The following PCDHA11 variants were observed in gnomAD, a reference collection of about 807,000 sequenced individuals.
The protein encoded by PCDHA11 is protocadherin alpha-11.
A neutral mutation model predicts 70.3 loss-of-function variants in PCDHA11; 61 were observed. That is an observed-to-expected ratio of 0.87 (90% CI 0.71 to 1.07). PCDHA11 has a LOEUF of 1.07. Among genes scored for constraint, PCDHA11 ranks in the 50% least tolerant of loss-of-function variants. The pLI, the probability that PCDHA11 is intolerant of heterozygous loss-of-function variation, is 0.00. For missense variants in PCDHA11, 1,324 were observed against 1,237.5 expected, an observed-to-expected ratio of 1.07 and a Z score of -1.05; for synonymous variants, 633 against 555.1, an observed-to-expected ratio of 1.14 and a Z score of -1.97.
intron 1 of PCDHA11, chr5:140,929,369 G>A: frequency 6.6e-7 from 1 of 1,515,248 alleles, no homozygotes; most frequent in Admixed American, 2.2e-5. Context: ...CCCGGAGATG[G>A]CTGCTAGCTG....
intron 3 of PCDHA11, 167 bp from the exon 4 acceptor site, chr5:141,009,456 CAAAT>C (rs2098408902): frequency 8.4e-6 from 8 of 947,642 alleles, no homozygotes; most frequent in African/African-American, 3.5e-5. Context: ...AAAAATTAAA[CAAAT>C]AAATAAATAA....
intron 1 of PCDHA11, among the ~76,000 whole-genome samples, chr5:140,957,571 G>A (rs2095367794): frequency 6.6e-6 from 1 of 152,068 alleles, no homozygotes; most frequent in African/African-American, 2.4e-5. Flanking sequence ...AGGGACTACT[G>A]TACTTTTAAC....
At chr5:140,873,007 C>A (rs1363151505) in intron 1 of PCDHA11, among the ~76,000 whole-genome samples, 1 of 152,206 alleles carries the variant, frequency 6.6e-6, no homozygotes, top group Admixed American at 6.5e-5. Context: ...AGTCATTCTT[C>A]ATATTTAGTT....
In PCDHA11 at chr5:140,871,342, T is replaced by C; in HGVS notation, c.2239T>C (p.Trp747Arg). Reference protein sequence around the residue: ...TLVCSRAVGSWSYSQQRRQRV... With the variant: ...TLVCSRAVGSRSYSQQRRQRV... ...GGTGTGCTCCCGCGCGGTGGGGAGC[T>C]GGTCATACTCGCAGCAGAGGCGGCA... is the stretch of plus-strand genomic sequence containing the variant. Residue 747 changes from tryptophan to arginine, a missense_variant, in exon 1 of 4, where the codon TGG becomes CGG. Transcript: ENST00000398640. 1 of 1,614,120 alleles carries C rather than the reference T, an allele frequency of 6.2e-7. No individual in the cohort carries two copies. Among genetic ancestry groups the C allele is most frequent in the Non-Finnish European group, 8.5e-7 (1 of 1,180,022 alleles).
At chr5:140,893,456 C>G (rs781790396) in intron 1 of PCDHA11, among the ~76,000 whole-genome samples, 44 of 151,918 alleles carry the variant, frequency 2.9e-4, no homozygotes, top group Non-Finnish European at 2.6e-4. Flanking sequence ...AGTTCAAGAC[C>G]AGCCTGGGCA....
chr5:140,941,202 C>CCTTCCTTT (rs1554213920), intron 1 of PCDHA11, among the ~76,000 whole-genome samples: 107 of 122,824 alleles, frequency 8.7e-4, no homozygotes, highest in Admixed American at 4.2e-3. Flanking sequence ...TTTCTTTCTT[C>CCTTCCTTT]CTTTCTTTCT....
intron 1 of PCDHA11, chr5:140,927,019 T>C: frequency 6.2e-7 from 1 of 1,612,660 alleles, no homozygotes; most frequent in Non-Finnish European, 8.5e-7. Flanking sequence ...CTCCGCGGAC[T>C]TGAGGCTGCC....
chr5:140,877,220 G>C (rs560974692), intron 1 of PCDHA11: 2 of 1,613,740 alleles, frequency 1.2e-6, no homozygotes, highest in East Asian at 2.2e-5. Context: ...TTGGTACCGC[G>C]GTCGGTGGGT....
In PCDHA11 at chr5:141,009,724, T is replaced by A. The variant is rs1554262325; in HGVS notation, c.2637T>A (p.Gly879=). The change falls in exon 4 of 4, where the codon GGT becomes GGA. Residue 879 remains glycine (G), a synonymous_variant. Transcript: ENST00000398640. ...KYGPGNPKQS[G]PGELPDKFII... is the part of the protein sequence containing the mutation. ...GACCAGGCAACCCCAAACAATCCGG[T>A]CCCGGTGAGTTGCCCGACAAATTCA... 6.2e-7 allele frequency: 1 copy of A among 1,614,116 alleles called. No individual in the cohort carries two copies. The highest frequency in any genetic ancestry group is 2.2e-5 in the East Asian group (1 of 44,868).
intron 2 of PCDHA11, among the ~76,000 whole-genome samples, chr5:140,980,152 C>G (rs1554241475): frequency 6.6e-6 from 1 of 152,040 alleles, no homozygotes; most frequent in African/African-American, 2.4e-5. Context: ...CATGCATATA[C>G]CAGAATATTA....
intron 1 of PCDHA11, chr5:140,882,584 C>T (rs1554174685): frequency 1.9e-6 from 3 of 1,614,120 alleles, no homozygotes; most frequent in Admixed American, 1.7e-5. Flanking sequence ...CAGCATCCAC[C>T]TGGAGGTGAT....
chr5:140,887,769 T>A (rs1012351831), intron 1 of PCDHA11, among the ~76,000 whole-genome samples: 23 of 152,212 alleles, frequency 1.5e-4, no homozygotes, highest in African/African-American at 5.5e-4. Flanking sequence ...TATGTTACAA[T>A]GACACAGGTC....
At position 140,913,249 on chromosome 5, in the gene PCDHA11, A is replaced by G. The variant is rs1389386272; in HGVS notation, c.2391+41755A>G. ...CTTTGCTGGGAGACTTTTTGTTACA[A>G]CTTTGATCTAATTACTTGTTATTGG... On this transcript the variant is annotated intron_variant, in intron 1 of 3. Transcript: ENST00000398640. Among the ~76,000 whole-genome samples the G allele has an allele frequency of 4.6e-5, 7 of 152,262 alleles. No individual in the cohort carries two copies. The East Asian group carries it at 9.6e-4, about 21-fold the overall frequency.
At chr5:140,884,247 C>G (rs1554181368) in intron 1 of PCDHA11, 5 of 1,613,398 alleles carry the variant, frequency 3.1e-6, no homozygotes, top group Non-Finnish European at 4.2e-6. Flanking sequence ...CCCGCGCTGA[C>G]GGCCACGGCA....
intron 1 of PCDHA11, chr5:140,967,333 C>T (rs113984883): frequency 1.9e-6 from 3 of 1,608,148 alleles, no homozygotes; most frequent in Admixed American, 1.7e-5. Context: ...AGCTCAGCCC[C>T]AGCGAGCACT....
At position 140,870,979 on chromosome 5, in the gene PCDHA11, T is replaced by C; in HGVS notation, c.1876T>C (p.Tyr626His). The stretch of plus-strand genomic sequence containing the variant: ...GCGCATCCCGTTCCGCGTGGGGCTG[T>C]ACACGGGCGAGATAAGCACAACGCG... The part of the protein sequence containing the change: ...GSRIPFRVGL[Y>H]TGEISTTRAL... Residue 626 changes from tyrosine (Y) to histidine (H), a missense_variant, in exon 1 of 4, where the codon TAC (tyrosine) becomes CAC (histidine). Tyr to His is a moderately conservative substitution (Grantham distance 83). Coordinates refer to ENST00000398640, the MANE Select transcript of PCDHA11 (RefSeq NM_018902.5). 6.2e-7 allele frequency: 1 copy of C among 1,613,556 alleles called. No homozygotes were observed. Among genetic ancestry groups the C allele is most frequent in the Non-Finnish European group, 8.5e-7 (1 of 1,179,866 alleles).
intron 1 of PCDHA11, among the ~76,000 whole-genome samples, chr5:140,960,597 C>G (rs1315375637): frequency 1.3e-5 from 2 of 152,092 alleles, no homozygotes; most frequent in Non-Finnish European, 2.9e-5. Flanking sequence ...ATTCAAGGTA[C>G]TTCAACAATA....
Position 141,009,658 on chromosome 5 carries a change from C to T in PCDHA11, c.2571C>T (p.Val857=), listed in dbSNP as rs571898721. The T allele has an allele frequency of 6.2e-6, 10 of 1,613,948 alleles. No individual in the cohort carries two copies. Among genetic ancestry groups the T allele is most frequent in the South Asian group, 4.4e-5 (4 of 91,030 alleles). The change falls in exon 4 of 4, where the codon GTC becomes GTT. Residue 857 remains valine, a synonymous_variant. Transcript: ENST00000398640. ...EPEAGEVSPP[V]GAGVNSNSWT... ...AGGCAGGAGAAGTGTCCCCTCCAGT[C>T]GGTGCGGGTGTCAACAGCAACAGCT...
At chr5:140,945,437 A>T (rs2093790061) in intron 1 of PCDHA11, among the ~76,000 whole-genome samples, 1 of 152,192 alleles carries the variant, frequency 6.6e-6, no homozygotes, top group South Asian at 2.1e-4. Context: ...TTTTACAGAA[A>T]TATAAAAAAC....
Sources: allele counts gnomAD v4.1 joint callset (sites outside exome capture counted in the v4.1 genomes callset), GRCh38; gene constraint gnomAD v4.1.1; transcripts MANE v1.5; gene names NCBI Gene and HGNC (gene_info 2026-07-23, HGNC 2026-07-21).